The following CD2AP variants were observed in gnomAD, a reference collection of about 807,000 sequenced individuals.
CD2AP encodes CD2-associated protein.
A neutral mutation model predicts 85.1 loss-of-function variants in CD2AP; 46 were observed. The ratio of observed to expected loss-of-function variants is 0.54; its 90% CI spans 0.43 to 0.69. CD2AP has a LOEUF of 0.69. Ranked by LOEUF, CD2AP falls within the 30% of genes least tolerant of loss-of-function variation. The pLI is 0.00. For missense variants in CD2AP, 769 were observed against 729.5 expected, an observed-to-expected ratio of 1.05 and a Z score of -0.62; for synonymous variants, 255 against 252.9, an observed-to-expected ratio of 1.01 and a Z score of -0.08.
At chr6:47,610,437 CAA>C (rs1769399114) in intron 16 of CD2AP, among the ~76,000 whole-genome samples, 1 of 151,936 alleles carries the variant, frequency 6.6e-6, no homozygotes, top group Non-Finnish European at 1.5e-5. Context: ...TATAAAAGAA[CAA>C]AAAATAAAAA....
At chr6:47,497,867 C>T (rs1765905135) in intron 1 of CD2AP, among the ~76,000 whole-genome samples, 1 of 152,200 alleles carries the variant, frequency 6.6e-6, no homozygotes, top group South Asian at 2.1e-4. Flanking sequence ...TGCTGCTTTT[C>T]TCTCAGATAC....
chr6:47,608,036 G>T lies in CD2AP; in HGVS notation c.1632+8G>T, dbSNP rs77917916. The T allele has an allele frequency of 7.6e-3, 12,102 of 1,586,924 alleles. 114 individuals carry two copies. The highest frequency in any genetic ancestry group is 0.034 in the African/African-American group (2,495 of 74,416). ...ACATGCTACTCTCCAAAGGTGAGGTGCATTGTGGTCTAAGGTTTGTTGACT... is the reference window on the plus strand; with the variant it reads ...ACATGCTACTCTCCAAAGGTGAGGTTCATTGTGGTCTAAGGTTTGTTGACT... On this transcript the variant is annotated splice_region_variant and intron_variant, in intron 15 of 17. Transcript: ENST00000359314.
chr6:47,488,357 A>G (rs1339349542), intron 1 of CD2AP, among the ~76,000 whole-genome samples: 4 of 152,156 alleles, frequency 2.6e-5, no homozygotes, highest in African/African-American at 9.7e-5. Context: ...GTATACATAT[A>G]CTTTGAGACA....
chr6:47,574,062 A>G lies in CD2AP; in HGVS notation c.542-2A>G. On this transcript the variant is annotated splice_acceptor_variant, in intron 5 of 17. Coordinates refer to ENST00000359314, the MANE Select transcript of CD2AP (RefSeq NM_012120.3). LOFTEE classifies it high-confidence loss of function. ...TTCTTCAAAAACAAATTATTGTTTC[A>G]GAAACTGTTTTGGCTGGGCCTACTT... is the stretch of plus-strand genomic sequence containing the variant. 1 of 1,613,558 alleles carries G rather than the reference A, an allele frequency of 6.2e-7. No homozygotes were observed. The highest frequency in any genetic ancestry group is 8.5e-7 in the Non-Finnish European group (1 of 1,179,492).
At chr6:47,542,782 G>A (rs1055208808) in intron 3 of CD2AP, among the ~76,000 whole-genome samples, 5 of 152,170 alleles carry the variant, frequency 3.3e-5, no homozygotes, top group African/African-American at 9.7e-5. Flanking sequence ...TAGGTGCTGG[G>A]TGGATTGCAG....
chr6:47,580,313 A>C (rs528338347), intron 9 of CD2AP, among the ~76,000 whole-genome samples: 21 of 152,310 alleles, frequency 1.4e-4, no homozygotes, highest in Non-Finnish European at 2.2e-4. Flanking sequence ...TCAATATTTT[A>C]AGGTATTAAG....
At chr6:47,618,177 G>A (rs1424786971) in intron 17 of CD2AP, among the ~76,000 whole-genome samples, 2 of 152,092 alleles carry the variant, frequency 1.3e-5, no homozygotes, top group African/African-American at 2.4e-5. Context: ...AAAATTAGCT[G>A]GGCATGGTGG....
Position 47,525,057 on chromosome 6 carries a change from T to C in CD2AP, c.166-8545T>C, listed in dbSNP as rs1417435478. On this transcript the variant is annotated intron_variant, in intron 2 of 17. Coordinates refer to ENST00000359314, the MANE Select transcript of CD2AP (RefSeq NM_012120.3). ...AGTAGTTTTTCCTGGATATTCCTTA[T>C]ATATTATTACTTATATTAAAAAAAA... 2.0e-5 allele frequency among the ~76,000 whole-genome samples: 3 copies of C among 152,036 alleles called. 1 individual carries two copies. Among genetic ancestry groups the C allele is most frequent in the East Asian group, 3.9e-4 (2 of 5,186 alleles).
intron 2 of CD2AP, among the ~76,000 whole-genome samples, chr6:47,525,118 TA>T (rs1766688453): frequency 6.6e-6 from 1 of 152,116 alleles, no homozygotes; most frequent in African/African-American, 2.4e-5. Flanking sequence ...GCCATTTTGT[TA>T]GGTTAAAATC....
intron 10 of CD2AP, 36 bp downstream of exon 10, chr6:47,580,936 C>G: frequency 1.3e-6 from 2 of 1,496,052 alleles, no homozygotes; most frequent in South Asian, 2.3e-5. Context: ...TTGCTATTTT[C>G]CATTTTTTAA....
chr6:47,601,822 C>T (rs936414717), intron 13 of CD2AP, among the ~76,000 whole-genome samples: 11 of 151,722 alleles, frequency 7.3e-5, no homozygotes, highest in South Asian at 2.1e-4. Context: ...TATTAGGCAA[C>T]GTAATAATTT....
intron 3 of CD2AP, among the ~76,000 whole-genome samples, chr6:47,544,091 A>C (rs867566965): frequency 3.5e-5 from 5 of 144,506 alleles, no homozygotes; most frequent in South Asian, 2.3e-4. Context: ...AAGCTAAAGT[A>C]AAATTATCTT....
intron 3 of CD2AP, among the ~76,000 whole-genome samples, chr6:47,540,840 T>C (rs1045655742): frequency 1.3e-5 from 2 of 152,206 alleles, no homozygotes; most frequent in African/African-American, 4.8e-5. Context: ...TTGAACAAAA[T>C]AGACATTTCT....
rs115352380 is a variant in CD2AP, at chr6:47,479,059, C to T, written c.4+811C>T. Among the ~76,000 whole-genome samples, 1,200 of 152,254 alleles carry T rather than the reference C, an allele frequency of 7.9e-3. 14 individuals carry two copies. Among genetic ancestry groups the T allele is most frequent in the African/African-American group, 0.027 (1,120 of 41,536 alleles). Reference sequence around the variant, plus strand: ...GTGGTGTAACAATTTCTTTTGATAACAAAGTTCGGTGTGGGCTAGGCATTA... The same window carrying T: ...GTGGTGTAACAATTTCTTTTGATAATAAAGTTCGGTGTGGGCTAGGCATTA... On this transcript the variant is annotated intron_variant, in intron 1 of 17. Transcript: ENST00000359314.
intron 11 of CD2AP, among the ~76,000 whole-genome samples, chr6:47,592,300 A>G (rs1768823384): frequency 1.3e-5 from 2 of 152,138 alleles, no homozygotes; most frequent in South Asian, 4.1e-4. Context: ...GGATGTTCTC[A>G]AAAGAATGAA....
At chr6:47,535,553 A>G (rs1767016099) in intron 3 of CD2AP, among the ~76,000 whole-genome samples, 2 of 152,336 alleles carry the variant, frequency 1.3e-5, no homozygotes, top group Non-Finnish European at 2.9e-5. Flanking sequence ...AATGAAACAG[A>G]TTTTATGACA....
chr6:47,478,024 G>A lies in CD2AP; in HGVS notation c.-221G>A. The A allele has an allele frequency of 6.5e-6, 4 of 616,326 alleles. No individual in the cohort carries two copies. In the East Asian group the frequency reaches 8.4e-5, roughly 13 times the overall value. The allele number at this position is 616,326 out of a possible 1,614,324, so 38.2% of individuals were successfully genotyped here. ...GGCTCCTGGGGAGGCCAGGGGTGAG[G>A]AGCTGTCGCCGCCTTTGCCTCTGCC... On this transcript the variant is annotated 5_prime_UTR_variant, in exon 1 of 18. Transcript: ENST00000359314.
chr6:47,599,500 C>G (rs994645142), intron 13 of CD2AP, 57 bp downstream of exon 13: 81 of 1,446,320 alleles, frequency 5.6e-5, no homozygotes, highest in Non-Finnish European at 7.7e-5. Context: ...CAAAGAAACT[C>G]TTTAAGAGAT....
At chr6:47,546,964 C>CT (rs1384746832) in intron 4 of CD2AP, among the ~76,000 whole-genome samples, 4 of 152,096 alleles carry the variant, frequency 2.6e-5, no homozygotes, top group Non-Finnish European at 5.9e-5. Context: ...CTTTTTCAGA[C>CT]AAACAAATGC....
Sources: gnomAD v4.1 joint callset for allele counts (sites outside exome capture counted in the v4.1 genomes callset) on GRCh38, gnomAD v4.1.1 for gene constraint, MANE v1.5 for transcripts, NCBI Gene and HGNC (gene_info 2026-07-23, HGNC 2026-07-21) for gene names.